The following GPHN variants were observed in gnomAD, a reference collection of about 807,000 sequenced individuals.
GPHN encodes the protein gephyrin.
In GPHN, 17 loss-of-function variants were observed where a neutral mutation model predicts 95.5. That is an observed-to-expected ratio of 0.18 (90% CI 0.12 to 0.27). GPHN has a LOEUF of 0.27. Ranked by LOEUF, GPHN falls within the 10% of genes least tolerant of loss-of-function variation. The pLI is 1.00. For missense variants in GPHN, 660 were observed against 978.1 expected (o/e 0.67, Z 4.34); for synonymous variants, 320 against 322.5 (o/e 0.99, Z 0.08).
At chr14:67,430,687 G>A in the GPHN span, among the ~76,000 whole-genome samples, 1 of 152,118 alleles carries the variant, frequency 6.6e-6, no homozygotes, top group African/African-American at 2.4e-5. Flanking sequence ...TGAGTGACCG[G>A]TGCAATATCA....
intron 2 of GPHN, among the ~76,000 whole-genome samples, chr14:66,726,971 C>A (rs1218998944): frequency 2.0e-5 from 3 of 152,172 alleles, no homozygotes; most frequent in Non-Finnish European, 4.4e-5. Flanking sequence ...TATGATTTGG[C>A]TGTGTCCCCC....
intron 5 of GPHN, among the ~76,000 whole-genome samples, chr14:66,895,629 A>T (rs2064801919): frequency 6.6e-6 from 1 of 152,204 alleles, no homozygotes; most frequent in Non-Finnish European, 1.5e-5. Context: ...GTGCTGAAAG[A>T]AAATAACATT....
intron 14 of GPHN, among the ~76,000 whole-genome samples, chr14:67,110,722 C>A (rs111352907): frequency 1.3e-5 from 2 of 152,094 alleles, no homozygotes; most frequent in African/African-American, 4.8e-5. Flanking sequence ...TAACAAAGAG[C>A]ACTTGGGCAA....
At chr14:67,720,363 G>T in the GPHN span, among the ~76,000 whole-genome samples, 46 of 152,150 alleles carry the variant, frequency 3.0e-4, 1 homozygote, top group African/African-American at 1.1e-3. Flanking sequence ...GATGGTTTTT[G>T]TCATGCTCAT....
chr14:67,725,119 T>A, the GPHN span: 1 of 1,614,190 alleles, frequency 6.2e-7, no homozygotes. Flanking sequence ...CTATATTGCC[T>A]GCAGAGATGT....
At chr14:66,985,815 G>T in intron 9 of GPHN, 1 of 720,076 alleles carries the variant, frequency 1.4e-6, no homozygotes, top group Non-Finnish European at 2.2e-6. Context: ...GGTGGTGGGA[G>T]GAAGGGGGCT....
the GPHN span, chr14:67,685,161 T>C: frequency 9.9e-6 from 16 of 1,614,030 alleles, no homozygotes; most frequent in Non-Finnish European, 1.3e-5. Context: ...CCAGTTCAGA[T>C]TGGACTGTGC....
chr14:67,423,026 T>G, the GPHN span, among the ~76,000 whole-genome samples: 10 of 151,132 alleles, frequency 6.6e-5, no homozygotes, highest in Admixed American at 1.3e-4. Flanking sequence ...TAGAGACGGG[T>G]TTCTTCATGT....
chr14:66,687,277 G>C (rs181982792), intron 2 of GPHN, among the ~76,000 whole-genome samples: 163 of 152,114 alleles, frequency 1.1e-3, no homozygotes, highest in Admixed American at 4.8e-3. Flanking sequence ...GACATCTACA[G>C]AACTCTCCAC....
intron 4 of GPHN, among the ~76,000 whole-genome samples, chr14:66,876,773 A>C (rs918156579): frequency 6.6e-6 from 1 of 152,178 alleles, no homozygotes; most frequent in Non-Finnish European, 1.5e-5. Flanking sequence ...AACCAAAAAA[A>C]GCCCAGAACC....
chr14:66,868,336 TCA>T (rs757677128), intron 4 of GPHN, among the ~76,000 whole-genome samples: 2 of 152,192 alleles, frequency 1.3e-5, no homozygotes, highest in African/African-American at 4.8e-5. Context: ...AAGTGATTTT[TCA>T]CAGAGTCACT....
intron 1 of GPHN, among the ~76,000 whole-genome samples, chr14:66,529,563 T>G (rs892510489): frequency 4.6e-5 from 7 of 152,206 alleles, no homozygotes; most frequent in Non-Finnish European, 7.3e-5. Flanking sequence ...TTTGGAATTT[T>G]CAGCATTTTT....
chr14:67,206,781 A>C, the GPHN span, among the ~76,000 whole-genome samples: 5 of 151,872 alleles, frequency 3.3e-5, no homozygotes, highest in Non-Finnish European at 5.9e-5. Flanking sequence ...CCCAGGCTGG[A>C]GTGCAGTGGT....
chr14:67,717,109 T>C, the GPHN span, among the ~76,000 whole-genome samples: 4 of 152,000 alleles, frequency 2.6e-5, no homozygotes, highest in East Asian at 7.7e-4. Flanking sequence ...TATATATCAT[T>C]CATTAACTAG....
intron 1 of GPHN, among the ~76,000 whole-genome samples, chr14:66,637,540 T>C (rs2064167314): frequency 1.3e-5 from 2 of 152,302 alleles, no homozygotes; most frequent in African/African-American, 2.4e-5. Flanking sequence ...GAGACTTTTT[T>C]ATTCTTTGAG....
At chr14:66,961,697 TA>T (rs1490921066) in intron 8 of GPHN, among the ~76,000 whole-genome samples, 1 of 150,962 alleles carries the variant, frequency 6.6e-6, no homozygotes, top group African/African-American at 2.4e-5. Context: ...AAAGGGAAAA[TA>T]AAACCATAAT....
the GPHN span, chr14:67,541,687 G>GA: frequency 1.8e-6 from 1 of 546,542 alleles, no homozygotes. Flanking sequence ...GGGCCCTGGG[G>GA]ATCAGTGACC....
At chr14:66,971,766 T>G (rs367700917) in intron 9 of GPHN, among the ~76,000 whole-genome samples, 8 of 152,272 alleles carry the variant, frequency 5.3e-5, no homozygotes, top group African/African-American at 1.7e-4. Context: ...AAATGGATCT[T>G]TTACCCAGGC....
intron 12 of GPHN, among the ~76,000 whole-genome samples, chr14:67,089,735 A>C (rs2077071110): frequency 6.6e-6 from 1 of 152,140 alleles, no homozygotes; most frequent in Non-Finnish European, 1.5e-5. Flanking sequence ...ACATGAGGGA[A>C]ACCTCTAATT....
Sources: gnomAD v4.1 joint callset for allele counts (sites outside exome capture counted in the v4.1 genomes callset) on GRCh38, gnomAD v4.1.1 for gene constraint, MANE v1.5 for transcripts, NCBI Gene and HGNC (gene_info 2026-07-23, HGNC 2026-07-21) for gene names.